ARHGAP24: variants seen among roughly 807,000 people sequenced by gnomAD.
The protein encoded by ARHGAP24 is Rho GTPase activating protein 24.
Under a neutral mutation model 76.4 loss-of-function variants are expected in ARHGAP24, and 50 were observed. The ratio of observed to expected loss-of-function variants is 0.65; its 90% CI spans 0.52 to 0.83. The LOEUF (loss-of-function observed/expected upper bound fraction) is 0.83. ARHGAP24 is among the 40% of genes least tolerant of loss of function. The pLI, the probability that ARHGAP24 is intolerant of heterozygous loss-of-function variation, is 0.00. For missense variants in ARHGAP24, 930 were observed against 914.2 expected (o/e 1.02, Z -0.22); for synonymous variants, 345 against 323.3 (o/e 1.07, Z -0.72).
intron 2 of ARHGAP24, among the ~76,000 whole-genome samples, chr4:85,663,730 G>T (rs1475659469): frequency 2.6e-5 from 4 of 151,728 alleles, no homozygotes; most frequent in East Asian, 3.9e-4. Flanking sequence ...TAGCATGAAG[G>T]GTTGTTGAAT....
At chr4:85,617,119 A>G (rs892996288) in intron 2 of ARHGAP24, among the ~76,000 whole-genome samples, 6 of 121,364 alleles carry the variant, frequency 4.9e-5, no homozygotes, top group Non-Finnish European at 1.0e-4. Flanking sequence ...TTAAATATAT[A>G]TTTAAATATA....
chr4:85,509,096 C>T (rs1287431009), intron 1 of ARHGAP24, among the ~76,000 whole-genome samples: 2 of 146,622 alleles, frequency 1.4e-5, no homozygotes, highest in Admixed American at 1.4e-4. Flanking sequence ...ATCGCAAGAA[C>T]AAAAAACCAA....
intron 2 of ARHGAP24, among the ~76,000 whole-genome samples, chr4:85,672,333 C>T (rs1722840464): frequency 6.6e-6 from 1 of 152,136 alleles, no homozygotes; most frequent in Non-Finnish European, 1.5e-5. Flanking sequence ...CTTCTGTTTC[C>T]TTTTAGTCTA....
chr4:85,590,654 C>T (rs1728056590), intron 2 of ARHGAP24, among the ~76,000 whole-genome samples: 1 of 152,098 alleles, frequency 6.6e-6, no homozygotes. Flanking sequence ...GCCACCACAC[C>T]TGACCCTTTC....
chr4:85,615,868 A>T (rs1720522654), intron 2 of ARHGAP24, among the ~76,000 whole-genome samples: 1 of 152,250 alleles, frequency 6.6e-6, no homozygotes, highest in Non-Finnish European at 1.5e-5. Context: ...AAGTGGGTGT[A>T]AACTCTGCAA....
chr4:85,651,351 T>A (rs1363523233), intron 2 of ARHGAP24, among the ~76,000 whole-genome samples: 2 of 149,070 alleles, frequency 1.3e-5, no homozygotes, highest in African/African-American at 2.6e-5. Flanking sequence ...AGTCCAGGGA[T>A]GGAAAATGTG....
At chr4:85,791,438 A>G (rs923520385) in intron 3 of ARHGAP24, among the ~76,000 whole-genome samples, 1 of 152,238 alleles carries the variant, frequency 6.6e-6, no homozygotes, top group African/African-American at 2.4e-5. Context: ...TAAAATACCA[A>G]GATAGTTATG....
intron 3 of ARHGAP24, among the ~76,000 whole-genome samples, chr4:85,918,234 A>G (rs1196300803): frequency 1.3e-5 from 2 of 151,912 alleles, no homozygotes; most frequent in Non-Finnish European, 2.9e-5. Flanking sequence ...CCTATATACA[A>G]ATTGAGATAA....
chr4:85,809,424 A>G (rs1728920203), intron 3 of ARHGAP24, among the ~76,000 whole-genome samples: 1 of 152,228 alleles, frequency 6.6e-6, no homozygotes, highest in African/African-American at 2.4e-5. Context: ...AATTATTCAT[A>G]TGGTTAATCA....
intron 1 of ARHGAP24, among the ~76,000 whole-genome samples, chr4:85,554,386 C>T (rs1324063815): frequency 6.6e-6 from 1 of 152,164 alleles, no homozygotes; most frequent in Non-Finnish European, 1.5e-5. Flanking sequence ...TGGATAATAT[C>T]TTAAAATATG....
intron 9 of ARHGAP24, among the ~76,000 whole-genome samples, chr4:85,997,352 ATAATAGATAGAT>A (rs1179130236): frequency 1.6e-3 from 216 of 137,368 alleles, no homozygotes; most frequent in African/African-American, 7.2e-3. Flanking sequence ...AGAGAGATAG[ATAATAGATAGAT>A]GATAGATATA....
chr4:85,591,145 AG>A (rs954888661), intron 2 of ARHGAP24, among the ~76,000 whole-genome samples: 2 of 147,402 alleles, frequency 1.4e-5, no homozygotes, highest in African/African-American at 5.0e-5. Context: ...CCCGGGTTCA[AG>A]CAATTCTTCT....
At chr4:85,849,801 CT>C (rs1731114428) in intron 3 of ARHGAP24, among the ~76,000 whole-genome samples, 1 of 152,116 alleles carries the variant, frequency 6.6e-6, no homozygotes, top group African/African-American at 2.4e-5. Context: ...GTGAAGCCCA[CT>C]TGATCTTGGT....
At position 85,933,229 on chromosome 4, in the gene ARHGAP24, T is replaced by TA. The variant is rs1399543141; in HGVS notation, c.392-8830dup. ...TGAAGCCAGGAAAAATGCCTAGAGG[T>TA]AAAAAAATGTTGACGTGGCTACTTT... On this transcript the variant is annotated intron_variant, in intron 4 of 9. Coordinates refer to ENST00000395184, the MANE Select transcript of ARHGAP24 (RefSeq NM_001025616.3). Among the ~76,000 whole-genome samples the TA allele has an allele frequency of 2.0e-5, 3 of 152,048 alleles. No individual in the cohort carries two copies. In the South Asian group the frequency reaches 6.2e-4, roughly 32 times the overall value.
chr4:85,585,915 G>T lies in ARHGAP24; in HGVS notation c.180+15194G>T, dbSNP rs115140964. On this transcript the variant is annotated intron_variant, in intron 2 of 9. Coordinates refer to ENST00000395184, the MANE Select transcript of ARHGAP24 (RefSeq NM_001025616.3). Reference sequence around the variant, plus strand: ...GCATCTAGTTGGTTCGTGGTCACATGTATAAAATACTTGGTCCAGATCTCT... The same window carrying T: ...GCATCTAGTTGGTTCGTGGTCACATTTATAAAATACTTGGTCCAGATCTCT... Among the ~76,000 whole-genome samples, 980 of 152,272 alleles carry T rather than the reference G, an allele frequency of 6.4e-3. 9 individuals are homozygous for T. The highest frequency in any genetic ancestry group is 0.022 in the African/African-American group (920 of 41,552).
At chr4:85,487,869 TAAATATATA>T (rs1723188413) in intron 1 of ARHGAP24, among the ~76,000 whole-genome samples, 7 of 124,856 alleles carry the variant, frequency 5.6e-5, no homozygotes, top group Non-Finnish European at 1.1e-4. Context: ...ATATATTATA[TAAATATATA>T]ATATATATAA....
chr4:85,946,825 C>A (rs558359227), intron 5 of ARHGAP24, among the ~76,000 whole-genome samples: 2 of 152,108 alleles, frequency 1.3e-5, no homozygotes, highest in African/African-American at 2.4e-5. Flanking sequence ...AGAATAATTT[C>A]TTTTCCTTTG....
intron 1 of ARHGAP24, among the ~76,000 whole-genome samples, chr4:85,561,512 T>C (rs758928021): frequency 4.6e-5 from 5 of 108,190 alleles, no homozygotes; most frequent in Non-Finnish European, 1.0e-4. Flanking sequence ...ATCTGTTTTC[T>C]TTAGTTAGCA....
At chr4:85,774,713 C>A (rs1727248041) in intron 3 of ARHGAP24, among the ~76,000 whole-genome samples, 1 of 152,264 alleles carries the variant, frequency 6.6e-6, no homozygotes, top group East Asian at 1.9e-4. Context: ...ACTTAGGGCC[C>A]AGCTGGGGCT....
Sources: allele counts gnomAD v4.1 joint callset (sites outside exome capture counted in the v4.1 genomes callset), GRCh38; gene constraint gnomAD v4.1.1; transcripts MANE v1.5; gene names NCBI Gene and HGNC (gene_info 2026-07-23, HGNC 2026-07-21).